Variants in OGA observed in about 807,000 individuals in gnomAD.
OGA encodes protein O-GlcNAcase.
A neutral mutation model predicts 102.0 loss-of-function variants in OGA; 21 were observed. The observed-to-expected ratio is 0.21, with a 90% CI of 0.15 to 0.30. OGA has a LOEUF of 0.30. OGA is among the 10% of genes least tolerant of loss of function. The pLI is 1.00. For synonymous variants in OGA, 408 were observed against 378.2 expected, an observed-to-expected ratio of 1.08 and a Z score of -0.91; for missense variants, 765 against 1,107.8, an observed-to-expected ratio of 0.69 and a Z score of 4.39.
intron 14 of OGA, 33 bp from the exon 15 acceptor site, chr10:101,787,556 T>C (rs754775787): frequency 2.5e-6 from 4 of 1,571,952 alleles, no homozygotes; most frequent in Non-Finnish European, 8.7e-7. Context: ...ACTTTCACAA[T>C]AGTTACGCAT....
intron 14 of OGA, 197 bp from the exon 15 acceptor site, chr10:101,787,720 A>G (rs533323089): frequency 3.1e-4 from 164 of 524,194 alleles, no homozygotes; most frequent in Non-Finnish European, 4.9e-4. Context: ...TCTGTTGGCC[A>G]GGCTGGAGAG....
intron 15 of OGA, among the ~76,000 whole-genome samples, chr10:101,786,852 C>G (rs1052297452): frequency 1.3e-4 from 20 of 152,204 alleles, no homozygotes; most frequent in African/African-American, 4.8e-4. Flanking sequence ...ACTGCAACCT[C>G]CGCCTCCCGG....
At chr10:101,808,266 G>C (rs1268689862) in intron 4 of OGA, among the ~76,000 whole-genome samples, 1 of 152,084 alleles carries the variant, frequency 6.6e-6, no homozygotes, top group African/African-American at 2.4e-5. Context: ...GAATTTTATG[G>C]AGCTCAAAGA....
intron 7 of OGA, 114 bp from the exon 8 acceptor site, chr10:101,800,514 C>T (rs2065375357): frequency 1.3e-6 from 1 of 776,482 alleles, no homozygotes; most frequent in South Asian, 1.9e-5. Flanking sequence ...AAACAAAGAA[C>T]AGAATGAGAA....
chr10:101,796,512 G>A (rs1589827658), intron 10 of OGA, among the ~76,000 whole-genome samples: 1 of 151,876 alleles, frequency 6.6e-6, no homozygotes, highest in Non-Finnish European at 1.5e-5. Flanking sequence ...TGCCCGCCTA[G>A]GCCTCCCTAA....
Position 101,786,504 on chromosome 10 carries a change from C to T in OGA, c.2698G>A (p.Ala900Thr). 6.2e-7 allele frequency: 1 copy of T among 1,612,370 alleles called. No homozygotes were observed. The highest frequency in any genetic ancestry group is 8.5e-7 in the Non-Finnish European group (1 of 1,179,338). ...FYSKLGCFEI[A>T]KMEGFPKDVV... ...TCCTTTGGAAATCCTTCCATTTTTG[C>T]AATTTCAAAACATCCTAACTTGCTG... The change falls in exon 16 of 16, where the codon GCA (alanine) becomes ACA (threonine). Residue 900 changes from alanine (A) to threonine (T), a missense_variant. Coordinates refer to ENST00000361464, the MANE Select transcript of OGA (RefSeq NM_012215.5).
At chr10:101,807,238 A>G (rs532679632) in intron 5 of OGA, among the ~76,000 whole-genome samples, 1 of 152,202 alleles carries the variant, frequency 6.6e-6, no homozygotes, top group Non-Finnish European at 1.5e-5. Flanking sequence ...CTAAGAGACT[A>G]AAATATTTTC....
Position 101,787,349 on chromosome 10 carries a change from C to G in OGA, c.2614+15G>C, listed in dbSNP as rs1298646435. ...TCTTGCCCAAATACCACCAACTCCA[C>G]AAATATGTACTCACCATTAGCCTTC... On this transcript the variant is annotated intron_variant, in intron 15 of 15. Transcript: ENST00000361464. 6.4e-7 allele frequency: 1 copy of G among 1,568,246 alleles called. No homozygotes were observed. The highest frequency in any genetic ancestry group is 2.3e-5 in the East Asian group (1 of 44,210).
At chr10:101,809,900 A>C (rs2135086586) in intron 4 of OGA, among the ~76,000 whole-genome samples, 1 of 151,860 alleles carries the variant, frequency 6.6e-6, no homozygotes, top group East Asian at 1.9e-4. Flanking sequence ...AAAATTAGCC[A>C]GGCATGATGG....
intron 6 of OGA, among the ~76,000 whole-genome samples, chr10:101,804,626 T>TGTTACCCA (rs1237336272): frequency 6.6e-6 from 1 of 152,078 alleles, no homozygotes. Context: ...GGGTCTCCTC[T>TGTTACCCA]GTTACCCAGG....
intron 3 of OGA, among the ~76,000 whole-genome samples, chr10:101,812,014 TG>T (rs1021896591): frequency 6.6e-6 from 1 of 152,128 alleles, no homozygotes; most frequent in African/African-American, 2.4e-5. Flanking sequence ...TAGATGGAGA[TG>T]GGGTAAGCTG....
rs796414138 is a variant in OGA, at chr10:101,818,232, G to A, written c.-210C>T. 2.2e-6 allele frequency: 3 copies of A among 1,340,074 alleles called. No individual in the cohort carries two copies. The African/African-American group carries it at 4.6e-5, about 21-fold the overall frequency. The allele number at this position is 1,340,074 out of a possible 1,614,324, so 83.0% of individuals were successfully genotyped here. On this transcript the variant is annotated 5_prime_UTR_variant, in exon 1 of 16. Transcript: ENST00000361464. ...CGGCACCGGCGCGAGCCCTTTGTCAGCCGCAGCCTCGGCTTTAAGCTGGGG... is the reference window on the plus strand; with the variant it reads ...CGGCACCGGCGCGAGCCCTTTGTCAACCGCAGCCTCGGCTTTAAGCTGGGG...
rs1030379461 is a variant in OGA, at chr10:101,786,388, C to T, written c.*63G>A. On this transcript the variant is annotated 3_prime_UTR_variant, in exon 16 of 16. Coordinates refer to ENST00000361464, the MANE Select transcript of OGA (RefSeq NM_012215.5). ...TCTAGAGGCTGAACTGTATGAAGAC[C>T]TCAACTACCATTCACAAGGTGCAGT... is the stretch of plus-strand genomic sequence containing the variant. 2.0e-6 allele frequency: 3 copies of T among 1,479,838 alleles called. No homozygotes were observed. The highest frequency in any genetic ancestry group is 2.8e-5 in the African/African-American group (2 of 70,378). 91.7% of individuals were successfully genotyped at this position (1,479,838 alleles called of 1,614,324 possible).
At position 101,818,199 on chromosome 10, in the gene OGA, A is replaced by C; in HGVS notation, c.-177T>G. On this transcript the variant is annotated 5_prime_UTR_variant, in exon 1 of 16. Transcript: ENST00000361464. ...GCAGGGACCCGAATGCCCGGATGAG[A>C]AGGGCGGCGGCACCGGCGCGAGCCC... 7.4e-7 allele frequency: 1 copy of C among 1,349,230 alleles called. No homozygotes were observed. The highest frequency in any genetic ancestry group is 9.5e-7 in the Non-Finnish European group (1 of 1,054,230). The allele number at this position is 1,349,230 out of a possible 1,614,324, so 83.6% of individuals were successfully genotyped here.
Position 101,794,895 on chromosome 10 carries a change from A to T in OGA, c.1985-897T>A, listed in dbSNP as rs76010966. 3.9e-4 allele frequency among the ~76,000 whole-genome samples: 59 copies of T among 152,352 alleles called. No homozygotes were observed. In the East Asian group the frequency reaches 0.011, roughly 28 times the overall value. On this transcript the variant is annotated intron_variant, in intron 10 of 15. Transcript: ENST00000361464. ...AAGCAGCGCAATATAGTTCTTTTCC[A>T]TTGGAAGACAGCATTCTACCTCCTG...
intron 1 of OGA, 24 bp downstream of exon 1, chr10:101,817,800 C>G (rs763271584): frequency 1.3e-6 from 2 of 1,535,310 alleles, no homozygotes; most frequent in East Asian, 2.4e-5. Flanking sequence ...AGTGCCAAAA[C>G]GGGGAGGGAA....
intron 9 of OGA, 106 bp downstream of exon 9, chr10:101,798,735 TG>T: frequency 7.4e-7 from 1 of 1,358,410 alleles, no homozygotes. Context: ...TTCTAAAACA[TG>T]GTCAATTTTC....
At chr10:101,789,831 A>G (rs2065235796) in intron 14 of OGA, among the ~76,000 whole-genome samples, 1 of 152,134 alleles carries the variant, frequency 6.6e-6, no homozygotes, top group Admixed American at 6.6e-5. Context: ...CAAAAAAGTT[A>G]GCTGATGCGT....
chr10:101,816,240 G>A (rs577701582), intron 1 of OGA, among the ~76,000 whole-genome samples: 1 of 152,188 alleles, frequency 6.6e-6, no homozygotes, highest in Non-Finnish European at 1.5e-5. Context: ...TCCAGCCTGG[G>A]CGACAGAGCG....
Sources: gnomAD v4.1 joint callset for allele counts (sites outside exome capture counted in the v4.1 genomes callset) on GRCh38, gnomAD v4.1.1 for gene constraint, MANE v1.5 for transcripts, NCBI Gene and HGNC (gene_info 2026-07-23, HGNC 2026-07-21) for gene names.